The following PARD3B variants were observed in gnomAD, a reference collection of about 807,000 sequenced individuals.
PARD3B encodes the protein partitioning defective 3 homolog B.
A neutral mutation model predicts 130.2 loss-of-function variants in PARD3B; 103 were observed. The ratio of observed to expected loss-of-function variants is 0.79; its 90% CI spans 0.67 to 0.93. The LOEUF is 0.93. PARD3B is among the 40% of genes least tolerant of loss of function. The pLI, the probability that PARD3B is intolerant of heterozygous loss-of-function variation, is 0.00. For missense variants in PARD3B, 1,609 were observed against 1,499.2 expected, an observed-to-expected ratio of 1.07 and a Z score of -1.21; for synonymous variants, 583 against 553.2, an observed-to-expected ratio of 1.05 and a Z score of -0.76.
chr2:204,919,030 ATAAG>A (rs2047562733), intron 2 of PARD3B, among the ~76,000 whole-genome samples: 1 of 152,162 alleles, frequency 6.6e-6, no homozygotes, highest in Non-Finnish European at 1.5e-5. Flanking sequence ...AAAAGTTGAA[ATAAG>A]TATGCAGTGA....
chr2:205,131,747 A>G (rs1368920160), intron 10 of PARD3B, among the ~76,000 whole-genome samples: 2 of 152,232 alleles, frequency 1.3e-5, no homozygotes, highest in African/African-American at 4.8e-5. Flanking sequence ...ATTAGAAAGT[A>G]CTAAAGTACA....
chr2:204,702,363 A>C (rs1442453908), intron 2 of PARD3B, among the ~76,000 whole-genome samples: 1 of 152,142 alleles, frequency 6.6e-6, no homozygotes, highest in Non-Finnish European at 1.5e-5. Context: ...TTCCACCTAC[A>C]GTGTTTAAGT....
At chr2:204,567,498 C>T (rs1027219958) in intron 1 of PARD3B, among the ~76,000 whole-genome samples, 5 of 152,118 alleles carry the variant, frequency 3.3e-5, no homozygotes, top group South Asian at 2.1e-4. Flanking sequence ...TTTCATTTAG[C>T]GTAATAATGT....
At position 205,105,592 on chromosome 2, in the gene PARD3B, T is replaced by C. The variant is rs754612911; in HGVS notation, c.593+1078T>C. Among the ~76,000 whole-genome samples the C allele has an allele frequency of 3.9e-5, 6 of 152,156 alleles. No homozygotes were observed. The highest frequency in any genetic ancestry group is 5.9e-5 in the Non-Finnish European group (4 of 68,030). ...AAACTTATTTATAGCCACGTGAGCATAGTTACTCTTTATTTAGATCGTTTC... is the reference window on the plus strand; with the variant it reads ...AAACTTATTTATAGCCACGTGAGCACAGTTACTCTTTATTTAGATCGTTTC... On this transcript the variant is annotated intron_variant, in intron 5 of 22. Transcript: ENST00000406610. This position sits in a 1 kb window ranked among gnomAD's most constrained non-coding sequence, Gnocchi z 4.0.
At chr2:204,803,324 C>A (rs1162867721) in intron 2 of PARD3B, among the ~76,000 whole-genome samples, 2 of 151,634 alleles carry the variant, frequency 1.3e-5, no homozygotes, top group Non-Finnish European at 2.9e-5. Flanking sequence ...CATTAATAAA[C>A]AATAGGAAAT....
chr2:204,973,030 G>A (rs760386313), intron 3 of PARD3B, among the ~76,000 whole-genome samples: 63 of 152,112 alleles, frequency 4.1e-4, no homozygotes, highest in South Asian at 2.1e-4. Context: ...TTAATAAAGG[G>A]GAGGAAAAAA....
intron 16 of PARD3B, among the ~76,000 whole-genome samples, chr2:205,283,944 TCTTAC>T (rs1165374843): frequency 1.3e-5 from 2 of 152,146 alleles, no homozygotes; most frequent in Admixed American, 1.3e-4. Context: ...GGAAAGCAGC[TCTTAC>T]CTTGGGGAAG....
intron 1 of PARD3B, among the ~76,000 whole-genome samples, chr2:204,633,932 C>T (rs1290002753): frequency 6.6e-6 from 1 of 152,134 alleles, no homozygotes; most frequent in African/African-American, 2.4e-5. Flanking sequence ...GAAACAAGCA[C>T]ATGATGAAGA....
rs1055513055 is a variant in PARD3B, at chr2:205,258,559, A to G, written c.2185+12737A>G. Among the ~76,000 whole-genome samples, 15 of 151,962 alleles carry G rather than the reference A, an allele frequency of 9.9e-5. No homozygotes were observed. Among genetic ancestry groups the G allele is most frequent in the Non-Finnish European group, 1.8e-4 (12 of 67,980 alleles). On this transcript the variant is annotated intron_variant, in intron 16 of 22. Coordinates refer to ENST00000406610, the MANE Select transcript of PARD3B (RefSeq NM_001302769.2). The surrounding 1 kb of genome is among the most constrained non-coding windows in gnomAD (Gnocchi z 4.9). ...ATGTAACCTACTGTCTGTTTCCCCTACCTCCAGAAGTGAGCTTCATGAAGG... is the reference window on the plus strand; with the variant it reads ...ATGTAACCTACTGTCTGTTTCCCCTGCCTCCAGAAGTGAGCTTCATGAAGG...
intron 18 of PARD3B, among the ~76,000 whole-genome samples, chr2:205,385,871 A>G (rs2045643812): frequency 6.6e-6 from 1 of 152,174 alleles, no homozygotes; most frequent in Non-Finnish European, 1.5e-5. Flanking sequence ...CCACAGCCTG[A>G]ATTTGACCCA....
chr2:204,784,916 G>A (rs776755919), intron 2 of PARD3B, among the ~76,000 whole-genome samples: 4 of 152,108 alleles, frequency 2.6e-5, no homozygotes, highest in Non-Finnish European at 4.4e-5. Flanking sequence ...GACAAAAGCC[G>A]TGTATTTTTA....
chr2:204,827,298 T>A (rs2043621810), intron 2 of PARD3B, among the ~76,000 whole-genome samples: 1 of 127,302 alleles, frequency 7.9e-6, no homozygotes, highest in African/African-American at 2.6e-5. Context: ...GTGATAGAAA[T>A]GCATGAAATT....
chr2:204,712,339 G>A (rs1048694978), intron 2 of PARD3B, among the ~76,000 whole-genome samples: 4 of 151,930 alleles, frequency 2.6e-5, no homozygotes, highest in East Asian at 1.9e-4. Context: ...TAGGCTGGCC[G>A]CAGTGGCTCA....
chr2:204,866,849 A>G (rs941095323), intron 2 of PARD3B, among the ~76,000 whole-genome samples: 2 of 151,972 alleles, frequency 1.3e-5, no homozygotes, highest in African/African-American at 4.8e-5. Context: ...CGGGTGTATC[A>G]CCTGAGGTCA....
chr2:204,771,024 G>A (rs777685603), intron 2 of PARD3B, among the ~76,000 whole-genome samples: 3 of 152,044 alleles, frequency 2.0e-5, no homozygotes, highest in Non-Finnish European at 2.9e-5. Context: ...TAGGCTTATT[G>A]TTTAGCAAAT....
chr2:204,968,131 C>A (rs1691412124), intron 3 of PARD3B, among the ~76,000 whole-genome samples: 1 of 152,192 alleles, frequency 6.6e-6, no homozygotes. Flanking sequence ...ACTCTTAAGG[C>A]CACTTTCTTA....
chr2:204,961,115 G>A (rs1282447822), intron 2 of PARD3B, among the ~76,000 whole-genome samples: 1 of 152,182 alleles, frequency 6.6e-6, no homozygotes, highest in African/African-American at 2.4e-5. Context: ...GACCTTCTGG[G>A]CCATTGCAGA....
chr2:204,650,428 C>A (rs2035437359), intron 1 of PARD3B, among the ~76,000 whole-genome samples: 1 of 152,134 alleles, frequency 6.6e-6, no homozygotes, highest in Non-Finnish European at 1.5e-5. Flanking sequence ...AATCATTCTG[C>A]CATAAAGACC....
chr2:205,104,420 C>CGTGAA lies in PARD3B; in HGVS notation c.505-6_505-5insGTGAA, dbSNP rs773996386. On this transcript the variant is annotated splice_region_variant and splice_polypyrimidine_tract_variant and intron_variant, in intron 4 of 22. Transcript: ENST00000406610. Reference sequence around the variant, plus strand: ...ATCACATGCTTATGACTTTGTTTCACTATAGGATTCCACGCAGAACTTGGA... The same window carrying CGTGAA: ...ATCACATGCTTATGACTTTGTTTCACGTGAATATAGGATTCCACGCAGAACTTGGA... 6.9e-5 allele frequency: 108 copies of CGTGAA among 1,575,860 alleles called. No homozygotes were observed. Among genetic ancestry groups the CGTGAA allele is most frequent in the Non-Finnish European group, 9.3e-5 (106 of 1,145,748 alleles).
Sources: allele counts gnomAD v4.1 joint callset (sites outside exome capture counted in the v4.1 genomes callset), GRCh38; gene constraint gnomAD v4.1.1; non-coding constraint Gnocchi (gnomAD v3.1); transcripts MANE v1.5; gene names NCBI Gene and HGNC (gene_info 2026-07-23, HGNC 2026-07-21).